The following BLCAP variants were observed in gnomAD, a reference collection of about 807,000 sequenced individuals.
BLCAP encodes apoptosis inducing factor BLCAP.
BLCAP carries 1 observed loss-of-function variant against 5.7 expected under a neutral mutation model. That is an observed-to-expected ratio of 0.18 (90% CI 0.06 to 0.83). The LOEUF (loss-of-function observed/expected upper bound fraction) is 0.83, where lower values mean the gene tolerates loss of function less well. Ranked by LOEUF, BLCAP falls within the 40% of genes least tolerant of loss-of-function variation. The pLI, the probability that BLCAP is intolerant of heterozygous loss-of-function variation, is 0.71. For missense variants in BLCAP, 66 were observed against 107.6 expected, an observed-to-expected ratio of 0.61 and a Z score of 1.71; for synonymous variants, 48 against 49.4, an observed-to-expected ratio of 0.97 and a Z score of 0.11.
In BLCAP at chr20:37,517,727, T is replaced by C; in HGVS notation, c.*1184A>G. On this transcript the variant is annotated 3_prime_UTR_variant, in exon 2 of 2. Transcript: ENST00000373537. ...GCAGCAAGTGACAGTCACAAAGTCT[T>C]CCTGGGTATTCTTCATAATGTACAG... 1 of 152,768 alleles carries C rather than the reference T, an allele frequency of 6.5e-6. No homozygotes were observed. The allele number at this position is 152,768 out of a possible 1,614,324, so 9.5% of individuals were successfully genotyped here.
intron 1 of BLCAP, chr20:37,522,622 G>A (rs1402264630): frequency 6.5e-7 from 1 of 1,542,852 alleles, no homozygotes. Context: ...CAGACATGCT[G>A]TGGGTGCTCT....
chr20:37,521,180 ACCC>A lies in BLCAP; in HGVS notation c.-176-1833_-176-1831del. On this transcript the variant is annotated intron_variant, in intron 1 of 1. Coordinates refer to ENST00000373537, the MANE Select transcript of BLCAP (RefSeq NM_006698.4). The surrounding 1 kb of genome is among the most constrained non-coding windows in gnomAD (Gnocchi z 4.5). ...CCCCCAGCCACCCCTCCTCATAAACACCCCCCAAGGCGCGCATGCGCACTTAGG... is the reference window on the plus strand; with the variant it reads ...CCCCCAGCCACCCCTCCTCATAAACACCCAAGGCGCGCATGCGCACTTAGG... The A allele has an allele frequency of 1.4e-6, 1 of 736,738 alleles. No homozygotes were observed. Among genetic ancestry groups the A allele is most frequent in the Non-Finnish European group, 2.4e-6 (1 of 421,722 alleles). The allele number at this position is 736,738 out of a possible 1,614,324, so 45.6% of individuals were successfully genotyped here.
chr20:37,522,928 G>A (rs2071638906), intron 1 of BLCAP: 2 of 592,618 alleles, frequency 3.4e-6, no homozygotes, highest in South Asian at 4.2e-5. Context: ...AAGCAGTACC[G>A]ACAATGACGA....
At chr20:37,524,056 G>A (rs1199024041) in intron 1 of BLCAP, among the ~76,000 whole-genome samples, 1 of 152,182 alleles carries the variant, frequency 6.6e-6, no homozygotes, top group African/African-American at 2.4e-5. Context: ...CCTCCAAAGA[G>A]GTACTAGGGA....
At position 37,519,004 on chromosome 20, in the gene BLCAP, G is replaced by A; in HGVS notation, c.171C>T (p.Ile57=). The part of the protein sequence containing the change: ...ALVFLAALFL[I]CYSCWGNCFL... Reference sequence around the variant, plus strand: ...AACAGTTTCCCCAGCAGCTATAGCAGATAAGGAACAGGGCTGCCAGGAAAA... The same window carrying A: ...AACAGTTTCCCCAGCAGCTATAGCAAATAAGGAACAGGGCTGCCAGGAAAA... The change falls in exon 2 of 2, where the codon ATC becomes ATT. Residue 57 remains isoleucine, a synonymous_variant. Transcript: ENST00000373537. 1 of 1,614,258 alleles carries A rather than the reference G, an allele frequency of 6.2e-7. No individual in the cohort carries two copies. The highest frequency in any genetic ancestry group is 2.2e-5 in the East Asian group (1 of 44,880).
intron 1 of BLCAP, chr20:37,522,534 C>T: frequency 7.3e-7 from 1 of 1,368,080 alleles, no homozygotes; most frequent in Non-Finnish European, 1.0e-6. Context: ...ACAAGCTGCG[C>T]CCGCGCCCGC....
chr20:37,522,636 C>A, intron 1 of BLCAP: 1 of 1,590,212 alleles, frequency 6.3e-7, no homozygotes, highest in Non-Finnish European at 8.6e-7. Flanking sequence ...GTGCTCTCCA[C>A]TAAGGGTGGG....
At chr20:37,524,926 C>T (rs2071693370) in intron 1 of BLCAP, among the ~76,000 whole-genome samples, 1 of 152,184 alleles carries the variant, frequency 6.6e-6, no homozygotes, top group African/African-American at 2.4e-5. Flanking sequence ...CTTTGAGATG[C>T]CAGTGAACCC....
At position 37,521,301 on chromosome 20, in the gene BLCAP, T is replaced by G. The variant is rs1305406959; in HGVS notation, c.-176-1951A>C. 1 of 1,612,016 alleles carries G rather than the reference T, an allele frequency of 6.2e-7. No homozygotes were observed. The highest frequency in any genetic ancestry group is 1.1e-5 in the South Asian group (1 of 91,036). The stretch of plus-strand genomic sequence containing the variant: ...CCAGCGGATCTCGGCAAACCCTCTT[T>G]CTCGACCACCCACCTACCATTCTTG... On this transcript the variant is annotated intron_variant, in intron 1 of 1. Transcript: ENST00000373537. This position sits in a 1 kb window ranked among gnomAD's most constrained non-coding sequence, Gnocchi z 4.5.
rs1269045543 is a variant in BLCAP, at chr20:37,518,216, T to C, written c.*695A>G. The stretch of plus-strand genomic sequence containing the variant: ...AGGAAGTGAGGCTGGGCGGGAAAGC[T>C]TGAGCCCAGACACCCAGGTGAAAGA... On this transcript the variant is annotated 3_prime_UTR_variant, in exon 2 of 2. Coordinates refer to ENST00000373537, the MANE Select transcript of BLCAP (RefSeq NM_006698.4). 6.6e-6 allele frequency: 1 copy of C among 152,232 alleles called. No individual in the cohort carries two copies. The highest frequency in any genetic ancestry group is 2.4e-5 in the African/African-American group (1 of 41,452). 9.4% of individuals were successfully genotyped at this position (152,232 alleles called of 1,614,324 possible).
Position 37,521,220 on chromosome 20 carries a change from T to C in BLCAP, c.-176-1870A>G. ...CATGCGCACTTAGGTGGCGGGCGGG[T>C]ACTTAAGGCGCGGCCACCGCGGCTG... On this transcript the variant is annotated intron_variant, in intron 1 of 1. Coordinates refer to ENST00000373537, the MANE Select transcript of BLCAP (RefSeq NM_006698.4). This position sits in a 1 kb window ranked among gnomAD's most constrained non-coding sequence, Gnocchi z 4.5. 7.3e-6 allele frequency: 8 copies of C among 1,102,026 alleles called. No individual in the cohort carries two copies. Among genetic ancestry groups the C allele is most frequent in the Non-Finnish European group, 1.1e-5 (8 of 726,232 alleles). 68.3% of individuals were successfully genotyped at this position (1,102,026 alleles called of 1,614,324 possible). A position where few individuals can be genotyped will look rare whatever the true frequency, so the allele number is the denominator to read the frequency against.
Position 37,521,121 on chromosome 20 carries a change from A to G in BLCAP, c.-176-1771T>C, listed in dbSNP as rs1275722376. 8.1e-6 allele frequency: 5 copies of G among 616,688 alleles called. No individual in the cohort carries two copies. The highest frequency in any genetic ancestry group is 1.5e-5 in the Non-Finnish European group (5 of 343,938). 38.2% of individuals were successfully genotyped at this position (616,688 alleles called of 1,614,324 possible). A position where few individuals can be genotyped will look rare whatever the true frequency, so the allele number is the denominator to read the frequency against. The stretch of plus-strand genomic sequence containing the variant: ...GGGTCGGTATGGAAAGAGCAGATGG[A>G]TTATTTTTTTCCTCTCCTGGCGAAT... On this transcript the variant is annotated intron_variant, in intron 1 of 1. Coordinates refer to ENST00000373537, the MANE Select transcript of BLCAP (RefSeq NM_006698.4). The surrounding 1 kb of genome is among the most constrained non-coding windows in gnomAD (Gnocchi z 4.5).
rs1488997355 is a variant in BLCAP at position 37,517,552 on chromosome 20, TTC to T, written c.*1357_*1358del. ...CATTCCCTAGATGGACTGCCTCCAG[TTC>T]TGTTCTCTGCCTGGCCCATCTCTCT... On this transcript the variant is annotated 3_prime_UTR_variant, in exon 2 of 2. Transcript: ENST00000373537. The T allele has an allele frequency of 3.3e-5, 5 of 152,494 alleles. No homozygotes were observed. The highest frequency in any genetic ancestry group is 1.2e-4 in the African/African-American group (5 of 41,440). 9.4% of individuals were successfully genotyped at this position (152,494 alleles called of 1,614,324 possible). A position where few individuals can be genotyped will look rare whatever the true frequency, so the allele number is the denominator to read the frequency against.
At position 37,522,743 on chromosome 20, in the gene BLCAP, A is replaced by G. The variant is rs748365318; in HGVS notation, c.-176-3393T>C. Reference sequence around the variant, plus strand: ...CGGCAGGTGTTGGGGGAGCGCAGGCAGCGAGCCCCCAACTGAGGCCCCAGC... The same window carrying G: ...CGGCAGGTGTTGGGGGAGCGCAGGCGGCGAGCCCCCAACTGAGGCCCCAGC... On this transcript the variant is annotated intron_variant, in intron 1 of 1. Coordinates refer to ENST00000373537, the MANE Select transcript of BLCAP (RefSeq NM_006698.4). The G allele has an allele frequency of 2.7e-5, 44 of 1,606,456 alleles. No individual in the cohort carries two copies. The South Asian group carries it at 4.0e-4, about 15-fold the overall frequency.
chr20:37,522,537 G>A (rs932385551), intron 1 of BLCAP: 2 of 1,284,584 alleles, frequency 1.6e-6, no homozygotes, highest in Non-Finnish European at 2.1e-6. Context: ...AGCTGCGCCC[G>A]CGCCCGCCTC....
In BLCAP at chr20:37,524,916, C is replaced by A. The variant is rs145723300; in HGVS notation, c.-177+2877G>T. 1.8e-4 allele frequency among the ~76,000 whole-genome samples: 28 copies of A among 152,310 alleles called. No individual in the cohort carries two copies. In the East Asian group the frequency reaches 5.2e-3, roughly 28 times the overall value. ...CTCCAGTTTCCCTCTCGAAGAGGGCCTTTGAGATGCCAGTGAACCCTAACA... is the reference window on the plus strand; with the variant it reads ...CTCCAGTTTCCCTCTCGAAGAGGGCATTTGAGATGCCAGTGAACCCTAACA... On this transcript the variant is annotated intron_variant, in intron 1 of 1. Transcript: ENST00000373537.
chr20:37,521,905 C>CA lies in BLCAP; in HGVS notation c.-176-2556dup, dbSNP rs113961648. ...CTCAGAAAAAATAAAAATTACTTCG[C>CA]AAAAAAAAAAAACCCTACAACGAAT... On this transcript the variant is annotated intron_variant, in intron 1 of 1. Coordinates refer to ENST00000373537, the MANE Select transcript of BLCAP (RefSeq NM_006698.4). The surrounding 1 kb of genome is among the most constrained non-coding windows in gnomAD (Gnocchi z 4.5). 0.039 allele frequency among the ~76,000 whole-genome samples: 4,306 copies of CA among 110,092 alleles called. 145 individuals carry two copies. The highest frequency in any genetic ancestry group is 0.12 in the East Asian group (518 of 4,158). The allele number at this position is 110,092 out of a possible 152,430, so 72.2% of individuals were successfully genotyped here.
chr20:37,519,843 G>A (rs2071509047), intron 1 of BLCAP, among the ~76,000 whole-genome samples: 1 of 152,272 alleles, frequency 6.6e-6, no homozygotes. Context: ...GGCACTAAGT[G>A]CAGAGTTAAA....
chr20:37,526,754 C>T (rs1424441095), intron 1 of BLCAP: 1 of 152,254 alleles, frequency 6.6e-6, no homozygotes, highest in Non-Finnish European at 1.5e-5. Context: ...ACCGACCAGG[C>T]TTCCCGTGAT....
Sources: gnomAD v4.1 joint callset for allele counts (sites outside exome capture counted in the v4.1 genomes callset) on GRCh38, gnomAD v4.1.1 for gene constraint, Gnocchi (gnomAD v3.1) non-coding constraint, MANE v1.5 for transcripts, NCBI Gene and HGNC (gene_info 2026-07-23, HGNC 2026-07-21) for gene names.